The following TOP1 variants were observed in gnomAD, a reference collection of about 807,000 sequenced individuals.
TOP1 encodes the protein DNA topoisomerase 1.
TOP1 carries 10 observed loss-of-function variants against 111.1 expected under a neutral mutation model. That is an observed-to-expected ratio of 0.09 (90% CI 0.06 to 0.15). The LOEUF (loss-of-function observed/expected upper bound fraction) is 0.15. TOP1 is among the 10% of genes least tolerant of loss of function. The pLI, the probability that TOP1 is intolerant of heterozygous loss-of-function variation, is 1.00. For synonymous variants in TOP1, 271 were observed against 302.9 expected (o/e 0.89, Z 1.10); for missense variants, 474 against 926.7 (o/e 0.51, Z 6.34).
rs754296918 is a variant in TOP1 at position 41,080,038 on chromosome 20, A to G, written c.336-47A>G. The G allele has an allele frequency of 1.8e-6, 2 of 1,092,786 alleles. No homozygotes were observed. The highest frequency in any genetic ancestry group is 3.7e-5 in the Admixed American group (2 of 53,598). The allele number at this position is 1,092,786 out of a possible 1,614,324, so 67.7% of individuals were successfully genotyped here. Reference sequence around the variant, plus strand: ...ACATATTCCTTCTTTGTATTAATAGAATACAGATGTTCTAGCACTCTGACC... The same window carrying G: ...ACATATTCCTTCTTTGTATTAATAGGATACAGATGTTCTAGCACTCTGACC... On this transcript the variant is annotated intron_variant, in intron 5 of 20. Transcript: ENST00000361337. This position sits in a 1 kb window ranked among gnomAD's most constrained non-coding sequence, Gnocchi z 5.0.
At chr20:41,074,245 G>T (rs895266397) in intron 3 of TOP1, among the ~76,000 whole-genome samples, 1 of 151,706 alleles carries the variant, frequency 6.6e-6, no homozygotes, top group African/African-American at 2.4e-5. Flanking sequence ...TTGCATTTTG[G>T]TAAAAAACAC....
At chr20:41,044,315 G>A (rs1345373959) in intron 2 of TOP1, among the ~76,000 whole-genome samples, 1 of 152,090 alleles carries the variant, frequency 6.6e-6, no homozygotes, top group African/African-American at 2.4e-5. Context: ...CCATCTTAAG[G>A]GTCTTGTACT....
rs2034311542 is a variant in TOP1, at chr20:41,115,285, T to C, written c.1639-86T>C. ...TATGCGTGTTCCTTGTGCCTTTTTC[T>C]TTGCAAGTTTCTTTAAGTTTGGGGT... On this transcript the variant is annotated intron_variant, in intron 15 of 20. Transcript: ENST00000361337. The surrounding 1 kb of genome is among the most constrained non-coding windows in gnomAD (Gnocchi z 6.3). 1.1e-6 allele frequency: 1 copy of C among 916,468 alleles called. No homozygotes were observed. The highest frequency in any genetic ancestry group is 1.7e-6 in the Non-Finnish European group (1 of 579,074). 56.8% of individuals were successfully genotyped at this position (916,468 alleles called of 1,614,324 possible).
intron 4 of TOP1, among the ~76,000 whole-genome samples, chr20:41,077,345 A>ATTTTTACTTTTTTTTT (rs2033740123): frequency 6.6e-6 from 1 of 152,228 alleles, no homozygotes; most frequent in South Asian, 2.1e-4. Context: ...AAAAGTAAAA[A>ATTTTTACTTTTTTTTT]GCTGCCATTT....
intron 2 of TOP1, among the ~76,000 whole-genome samples, chr20:41,052,150 A>G (rs1350891730): frequency 6.6e-6 from 1 of 152,170 alleles, no homozygotes; most frequent in Non-Finnish European, 1.5e-5. Flanking sequence ...TCATAGATCT[A>G]GTAGTTAAGT....
At chr20:41,073,780 A>G (rs1295382258) in intron 3 of TOP1, among the ~76,000 whole-genome samples, 2 of 152,234 alleles carry the variant, frequency 1.3e-5, no homozygotes, top group African/African-American at 4.8e-5. Flanking sequence ...GAAATAATGT[A>G]TGTGAAAATA....
intron 3 of TOP1, among the ~76,000 whole-genome samples, chr20:41,074,267 A>G (rs2033699944): frequency 1.3e-5 from 2 of 152,190 alleles, no homozygotes; most frequent in African/African-American, 4.8e-5. Context: ...GATTATGAGA[A>G]CACATTGAGT....
chr20:41,096,123 GTGGCGTGATCT>G (rs1434801598), intron 9 of TOP1, among the ~76,000 whole-genome samples: 1 of 152,150 alleles, frequency 6.6e-6, no homozygotes, highest in Non-Finnish European at 1.5e-5. Flanking sequence ...CTGAAGTGCA[GTGGCGTGATCT>G]TGGCTCACTG....
In TOP1 at chr20:41,097,411, T is replaced by C. The variant is rs1600587350; in HGVS notation, c.852+70T>C. ...TCAAGTACTAAGTAATAAATTATCA[T>C]TTTGCAAAACATTTCCTGATGTAAA... On this transcript the variant is annotated intron_variant, in intron 10 of 20. Coordinates refer to ENST00000361337, the MANE Select transcript of TOP1 (RefSeq NM_003286.4). The surrounding 1 kb of genome is among the most constrained non-coding windows in gnomAD (Gnocchi z 4.2). 27 of 1,440,018 alleles carry C rather than the reference T, an allele frequency of 1.9e-5. No individual in the cohort carries two copies. In the East Asian group the frequency reaches 6.5e-4, roughly 35 times the overall value. 89.2% of individuals were successfully genotyped at this position (1,440,018 alleles called of 1,614,324 possible).
chr20:41,092,570 T>C lies in TOP1; in HGVS notation c.713T>C (p.Val238Ala). The change falls in exon 9 of 21, where the codon GTC becomes GCC. Residue 238 changes from valine (V) to alanine (A), a missense_variant. Val to Ala is a moderately conservative substitution (Grantham distance 64). Transcript: ENST00000361337. This position sits in a 1 kb window ranked among gnomAD's most constrained non-coding sequence, Gnocchi z 4.3. ...APPYEPLPENVKFYYDGKVMK... is the reference protein window; with the variant it reads ...APPYEPLPENAKFYYDGKVMK... ...CCATATGAGCCTCTTCCAGAGAATG[T>C]CAAGTTTTATTATGATGGTGAGTTG... 1.1e-5 allele frequency: 18 copies of C among 1,565,518 alleles called. No homozygotes were observed. The highest frequency in any genetic ancestry group is 1.3e-5 in the Non-Finnish European group (15 of 1,148,214).
intron 2 of TOP1, among the ~76,000 whole-genome samples, chr20:41,055,678 C>A (rs1204537575): frequency 6.6e-6 from 1 of 152,224 alleles, no homozygotes; most frequent in Non-Finnish European, 1.5e-5. Context: ...CTCTTTATTA[C>A]ACTGCATTTA....
At chr20:41,036,282 A>AC (rs2033183775) in intron 2 of TOP1, among the ~76,000 whole-genome samples, 1 of 152,062 alleles carries the variant, frequency 6.6e-6, no homozygotes, top group Non-Finnish European at 1.5e-5. Context: ...GATAGCTTGG[A>AC]CCCTTTGTAT....
chr20:41,108,071 T>A (rs4142395), intron 13 of TOP1, among the ~76,000 whole-genome samples: 2 of 152,210 alleles, frequency 1.3e-5, no homozygotes, highest in African/African-American at 4.8e-5. Flanking sequence ...ATAACAGATA[T>A]GTTTTTGTAA....
Position 41,114,077 on chromosome 20 carries a change from T to G in TOP1, c.1560T>G (p.Gly520=). Residue 520 remains glycine (G), a synonymous_variant, in exon 15 of 21, where the codon GGT becomes GGG. Transcript: ENST00000361337. The surrounding 1 kb of genome is among the most constrained non-coding windows in gnomAD (Gnocchi z 4.5). ...TCAATCTACACCCAGAGTTGGATGGTCAGGAATATGTGGTAGAGTTTGACT... is the reference window on the plus strand; with the variant it reads ...TCAATCTACACCCAGAGTTGGATGGGCAGGAATATGTGGTAGAGTTTGACT... ...EHINLHPELD[G]QEYVVEFDFL... is the part of the protein sequence containing the mutation. 2 of 1,614,150 alleles carry G rather than the reference T, an allele frequency of 1.2e-6. No individual in the cohort carries two copies. Among genetic ancestry groups the G allele is most frequent in the South Asian group, 2.2e-5 (2 of 91,082 alleles).
chr20:41,101,058 G>T lies in TOP1; in HGVS notation c.1164-151G>T. On this transcript the variant is annotated intron_variant, in intron 12 of 20. Coordinates refer to ENST00000361337, the MANE Select transcript of TOP1 (RefSeq NM_003286.4). The surrounding 1 kb of genome is among the most constrained non-coding windows in gnomAD (Gnocchi z 4.1). Reference sequence around the variant, plus strand: ...TCGGATGACAGTTGGCTGAGGGTAAGTAAAACCATGCATAAGGTGGGACTA... The same window carrying T: ...TCGGATGACAGTTGGCTGAGGGTAATTAAAACCATGCATAAGGTGGGACTA... The T allele has an allele frequency of 1.4e-6, 1 of 695,218 alleles. No homozygotes were observed. Among genetic ancestry groups the T allele is most frequent in the Non-Finnish European group, 2.4e-6 (1 of 418,408 alleles). The allele number at this position is 695,218 out of a possible 1,614,324, so 43.1% of individuals were successfully genotyped here. A position where few individuals can be genotyped will look rare whatever the true frequency, so the allele number is the denominator to read the frequency against.
rs2145966589 is a variant in TOP1 at position 41,114,644 on chromosome 20, G to A, written c.1638+489G>A. ...ATATCTTAGTATCCCCTGGTCATGT[G>A]GTACATTTGTCACTTTTCATCTTTG... On this transcript the variant is annotated intron_variant, in intron 15 of 20. Transcript: ENST00000361337. The surrounding 1 kb of genome is among the most constrained non-coding windows in gnomAD (Gnocchi z 4.5). Among the ~76,000 whole-genome samples, 1 of 152,236 alleles carries A rather than the reference G, an allele frequency of 6.6e-6. No individual in the cohort carries two copies. The highest frequency in any genetic ancestry group is 2.4e-5 in the African/African-American group (1 of 41,524).
chr20:41,082,993 AC>A lies in TOP1; in HGVS notation c.508-1468del, dbSNP rs1189395476. 6.6e-6 allele frequency among the ~76,000 whole-genome samples: 1 copy of A among 152,260 alleles called. No individual in the cohort carries two copies. Among genetic ancestry groups the A allele is most frequent in the Non-Finnish European group, 1.5e-5 (1 of 68,038 alleles). ...ATGCTGGCTGAAAGACTGAATTAAT[AC>A]AATCTTACTGTGGCAGGGACCCCAG... On this transcript the variant is annotated intron_variant, in intron 7 of 20. Coordinates refer to ENST00000361337, the MANE Select transcript of TOP1 (RefSeq NM_003286.4). This position sits in a 1 kb window ranked among gnomAD's most constrained non-coding sequence, Gnocchi z 4.1.
At position 41,098,575 on chromosome 20, in the gene TOP1, A is replaced by T. The variant is rs1016498372; in HGVS notation, c.975+238A>T. ...AATCTTGGTGCTTCAGTGACCTAAAAACCAGTCAGTAACTCCAGCCAATAA... is the reference window on the plus strand; with the variant it reads ...AATCTTGGTGCTTCAGTGACCTAAATACCAGTCAGTAACTCCAGCCAATAA... On this transcript the variant is annotated intron_variant, in intron 11 of 20. Transcript: ENST00000361337. The surrounding 1 kb of genome is among the most constrained non-coding windows in gnomAD (Gnocchi z 5.7). The T allele has an allele frequency of 1.5e-5, 6 of 413,014 alleles. No individual in the cohort carries two copies. The highest frequency in any genetic ancestry group is 2.6e-5 in the Non-Finnish European group (6 of 230,754). The allele number at this position is 413,014 out of a possible 1,614,324, so 25.6% of individuals were successfully genotyped here. A position where few individuals can be genotyped will look rare whatever the true frequency, so the allele number is the denominator to read the frequency against.
chr20:41,054,601 C>T (rs1271251265), intron 2 of TOP1, among the ~76,000 whole-genome samples: 12 of 152,196 alleles, frequency 7.9e-5, no homozygotes, highest in African/African-American at 1.2e-4. Flanking sequence ...TTTGAAAGCA[C>T]GCTAGCATGG....
Sources: gnomAD v4.1 joint callset for allele counts (sites outside exome capture counted in the v4.1 genomes callset) on GRCh38, gnomAD v4.1.1 for gene constraint, Gnocchi (gnomAD v3.1) non-coding constraint, MANE v1.5 for transcripts, NCBI Gene and HGNC (gene_info 2026-07-23, HGNC 2026-07-21) for gene names.